The following PPP2R2C variants were observed in gnomAD, a reference collection of about 807,000 sequenced individuals.
PPP2R2C encodes the protein protein phosphatase 2, regulatory subunit B, gamma.
A neutral mutation model predicts 45.3 loss-of-function variants in PPP2R2C; 10 were observed. The observed-to-expected ratio is 0.22, with a 90% CI of 0.14 to 0.37. PPP2R2C has a LOEUF of 0.37. PPP2R2C is among the 10% of genes least tolerant of loss of function. The pLI, the probability that PPP2R2C is intolerant of heterozygous loss-of-function variation, is 1.00. For missense variants in PPP2R2C, 308 were observed against 619.7 expected, an observed-to-expected ratio of 0.50 and a Z score of 5.34; for synonymous variants, 257 against 245.4, an observed-to-expected ratio of 1.05 and a Z score of -0.44.
chr4:6,342,081 TACACACACACACACAC>T (rs58305750), intron 6 of PPP2R2C, among the ~76,000 whole-genome samples: 2,403 of 139,714 alleles, frequency 0.017, 86 homozygotes, highest in African/African-American at 0.061. Flanking sequence ...TCTGCCACGA[TACACACACACACACAC>T]ACACACACAC....
intron 1 of PPP2R2C, among the ~76,000 whole-genome samples, chr4:6,440,247 G>A (rs1166943778): frequency 6.6e-6 from 1 of 152,242 alleles, no homozygotes; most frequent in Non-Finnish European, 1.5e-5. Context: ...TGCGTGCGCA[G>A]ATGGACAGAT....
chr4:6,383,245 C>T (rs1004277031), intron 1 of PPP2R2C: 119 of 1,214,976 alleles, frequency 9.8e-5, no homozygotes, highest in Admixed American at 1.5e-4. Flanking sequence ...ACCCCCCCAA[C>T]CCCCGGCCAA....
chr4:6,412,454 A>G (rs969735012), intron 1 of PPP2R2C, among the ~76,000 whole-genome samples: 2 of 152,072 alleles, frequency 1.3e-5, no homozygotes, highest in African/African-American at 4.8e-5. Context: ...CTCTATTTCT[A>G]TCTCCCTGAC....
chr4:6,387,999 C>T (rs543650540), intron 1 of PPP2R2C, among the ~76,000 whole-genome samples: 7 of 152,302 alleles, frequency 4.6e-5, no homozygotes, highest in African/African-American at 1.2e-4. Context: ...TTTTGGCCAT[C>T]GCTGTCCCCA....
At chr4:6,470,985 G>A (rs925721731) in intron 1 of PPP2R2C, among the ~76,000 whole-genome samples, 1 of 151,760 alleles carries the variant, frequency 6.6e-6, no homozygotes, top group Non-Finnish European at 1.5e-5. Context: ...TGCGCTCCCC[G>A]GGCCTCCGCG....
chr4:6,477,753 A>AC (rs1390750212), intron 2 of PPP2R2C, among the ~76,000 whole-genome samples: 1 of 145,206 alleles, frequency 6.9e-6, no homozygotes, highest in East Asian at 2.0e-4. Flanking sequence ...AAAAAAAAAA[A>AC]CTGGAACTGG....
rs12509025 is a variant in PPP2R2C, at chr4:6,331,832, G to T, written c.960+1730C>A. Among the ~76,000 whole-genome samples, 70,390 of 152,000 alleles carry T rather than the reference G, an allele frequency of 0.46. 17,406 individuals are homozygous for T. Among genetic ancestry groups the T allele is most frequent in the Middle Eastern group, 0.61 (180 of 294 alleles). ...GACTGCCCTCTCCAGACTCCCTGTTGTGGGAGAAAAATAGCCCCGATTTGT... is the reference window on the plus strand; with the variant it reads ...GACTGCCCTCTCCAGACTCCCTGTTTTGGGAGAAAAATAGCCCCGATTTGT... On this transcript the variant is annotated intron_variant, in intron 7 of 8. Transcript: ENST00000382599. This position sits in a 1 kb window ranked among gnomAD's most constrained non-coding sequence, Gnocchi z 5.9.
chr4:6,528,180 C>T (rs772768275), intron 2 of PPP2R2C, among the ~76,000 whole-genome samples: 13 of 152,374 alleles, frequency 8.5e-5, no homozygotes, highest in South Asian at 2.1e-4. Flanking sequence ...AGTCCTCGGC[C>T]CCTGCCCGGG....
intron 2 of PPP2R2C, among the ~76,000 whole-genome samples, chr4:6,527,137 T>C (rs943487893): frequency 2.6e-5 from 4 of 151,948 alleles, no homozygotes; most frequent in African/African-American, 9.7e-5. Flanking sequence ...TCAGTTTTTT[T>C]ATCTGTGCCA....
chr4:6,501,857 C>T (rs1295674627), intron 2 of PPP2R2C, among the ~76,000 whole-genome samples: 2 of 152,218 alleles, frequency 1.3e-5, no homozygotes, highest in African/African-American at 4.8e-5. Context: ...TGACAGGTCC[C>T]ATAAGGAGAG....
At chr4:6,369,773 C>T (rs1284260679) in intron 5 of PPP2R2C, among the ~76,000 whole-genome samples, 2 of 152,156 alleles carry the variant, frequency 1.3e-5, no homozygotes, top group Admixed American at 1.3e-4. Context: ...TTGTCCAGAC[C>T]CTGGGCTACA....
At chr4:6,444,874 A>G (rs540042402) in intron 1 of PPP2R2C, among the ~76,000 whole-genome samples, 28 of 152,308 alleles carry the variant, frequency 1.8e-4, no homozygotes, top group Admixed American at 1.2e-3. Flanking sequence ...CTTCACATCC[A>G]TGGCCCAGTG....
chr4:6,354,678 G>T lies in PPP2R2C; in HGVS notation c.626-6668C>A, dbSNP rs10014501. 3.9e-3 allele frequency among the ~76,000 whole-genome samples: 453 copies of T among 116,104 alleles called. 1 individual carries two copies. The highest frequency in any genetic ancestry group is 0.014 in the African/African-American group (435 of 30,808). The allele number at this position is 116,104 out of a possible 152,430, so 76.2% of individuals were successfully genotyped here. On this transcript the variant is annotated intron_variant, in intron 5 of 8. Coordinates refer to ENST00000382599, the MANE Select transcript of PPP2R2C (RefSeq NM_020416.4). ...ACCCCCACCCCAACACACACTAACAGGGTGCAGAAGGCAGCTGGTGCTCCA... is the reference window on the plus strand; with the variant it reads ...ACCCCCACCCCAACACACACTAACATGGTGCAGAAGGCAGCTGGTGCTCCA...
At chr4:6,456,330 T>G (rs1721034436) in intron 1 of PPP2R2C, among the ~76,000 whole-genome samples, 1 of 138,638 alleles carries the variant, frequency 7.2e-6, no homozygotes, top group African/African-American at 2.6e-5. Flanking sequence ...TTTATTCTAC[T>G]GTCTACACGT....
At chr4:6,549,772 C>T (rs550598949) in intron 1 of PPP2R2C, among the ~76,000 whole-genome samples, 14 of 152,330 alleles carry the variant, frequency 9.2e-5, no homozygotes, top group Admixed American at 2.6e-4. Context: ...TACTTTCCCA[C>T]GTAGGGCCTG....
intron 2 of PPP2R2C, among the ~76,000 whole-genome samples, chr4:6,504,338 C>T (rs948207743): frequency 9.2e-5 from 14 of 151,674 alleles, no homozygotes; most frequent in Admixed American, 9.2e-4. Flanking sequence ...CTGCCTATAA[C>T]AAAAAAACAA....
chr4:6,413,065 A>G (rs1718292426), intron 1 of PPP2R2C, among the ~76,000 whole-genome samples: 1 of 152,224 alleles, frequency 6.6e-6, no homozygotes, highest in Admixed American at 6.5e-5. Context: ...CTCTAACAGT[A>G]TCATAAGCCT....
At chr4:6,487,603 T>C (rs1722568664) in intron 2 of PPP2R2C, among the ~76,000 whole-genome samples, 1 of 152,080 alleles carries the variant, frequency 6.6e-6, no homozygotes, top group Non-Finnish European at 1.5e-5. Flanking sequence ...ATATAACATG[T>C]TTTCCCCACC....
intron 1 of PPP2R2C, among the ~76,000 whole-genome samples, chr4:6,547,289 C>A (rs911733204): frequency 2.6e-5 from 4 of 151,940 alleles, no homozygotes; most frequent in Admixed American, 1.3e-4. Flanking sequence ...GCCATTATCA[C>A]ACCTAACAAA....
Sources: gnomAD v4.1 joint callset for allele counts (sites outside exome capture counted in the v4.1 genomes callset) on GRCh38, gnomAD v4.1.1 for gene constraint, Gnocchi (gnomAD v3.1) non-coding constraint, MANE v1.5 for transcripts, NCBI Gene and HGNC (gene_info 2026-07-23, HGNC 2026-07-21) for gene names.